The following DCLK1 variants were observed in gnomAD, a reference collection of about 807,000 sequenced individuals.
DCLK1 encodes the protein serine/threonine-protein kinase DCLK1.
Under a neutral mutation model 86.2 loss-of-function variants are expected in DCLK1, and 16 were observed. That is an observed-to-expected ratio of 0.19 (90% confidence interval 0.13 to 0.28). DCLK1 has a LOEUF of 0.28. Ranked by LOEUF, DCLK1 falls within the 10% of genes least tolerant of loss-of-function variation. The pLI is 1.00. For missense variants in DCLK1, 590 were observed against 940.2 expected, an observed-to-expected ratio of 0.63 and a Z score of 4.87; for synonymous variants, 369 against 370.5, an observed-to-expected ratio of 1.00 and a Z score of 0.05.
At chr13:36,095,499 C>T (rs1262086171) in intron 3 of DCLK1, among the ~76,000 whole-genome samples, 4 of 152,092 alleles carry the variant, frequency 2.6e-5, no homozygotes, top group African/African-American at 7.2e-5. Flanking sequence ...AGCCACTGTG[C>T]CCGGCTCTCT....
At chr13:36,025,821 TA>T (rs533304094) in intron 3 of DCLK1, among the ~76,000 whole-genome samples, 71 of 151,942 alleles carry the variant, frequency 4.7e-4, no homozygotes, top group Non-Finnish European at 8.2e-4. Flanking sequence ...AATTAAAATA[TA>T]AAAAAAAATT....
chr13:35,778,589 G>A (rs2086467794), intron 16 of DCLK1, among the ~76,000 whole-genome samples: 1 of 152,070 alleles, frequency 6.6e-6, no homozygotes, highest in Admixed American at 6.6e-5. Flanking sequence ...ATGGGCACCC[G>A]ACCCCATCAA....
At chr13:36,061,210 G>A (rs1039157675) in intron 3 of DCLK1, among the ~76,000 whole-genome samples, 6 of 152,268 alleles carry the variant, frequency 3.9e-5, no homozygotes, top group Admixed American at 3.3e-4. Context: ...AACAGGGAAT[G>A]AAGTAACCCC....
chr13:35,946,979 A>T (rs1390310255), intron 4 of DCLK1, among the ~76,000 whole-genome samples: 1 of 152,202 alleles, frequency 6.6e-6, no homozygotes, highest in Non-Finnish European at 1.5e-5. Context: ...AAAGGAAGCC[A>T]CCTGAAAGCT....
chr13:35,936,962 C>CTTTTTTTTTTTTTTTTTTTTTTTTTTTTT (rs140269668), intron 4 of DCLK1, among the ~76,000 whole-genome samples: 11 of 65,736 alleles, frequency 1.7e-4, no homozygotes, highest in Admixed American at 2.0e-4. Context: ...GAAAAGTTAG[C>CTTTTTTTTTTTTTTTTTTTTTTTTTTTTT]TTTTTTTTTT....
chr13:35,820,483 T>G (rs2087369966), intron 11 of DCLK1, among the ~76,000 whole-genome samples: 1 of 152,156 alleles, frequency 6.6e-6, no homozygotes, highest in African/African-American at 2.4e-5. Context: ...AAACTGTAAT[T>G]TTAGTAAAAG....
At chr13:36,022,600 T>C (rs1188777560) in intron 3 of DCLK1, among the ~76,000 whole-genome samples, 1 of 152,096 alleles carries the variant, frequency 6.6e-6, no homozygotes, top group Non-Finnish European at 1.5e-5. Context: ...CTTTTGACCT[T>C]GCAGAAATAT....
intron 4 of DCLK1, among the ~76,000 whole-genome samples, chr13:35,912,764 G>A (rs1296549286): frequency 6.6e-6 from 1 of 152,190 alleles, no homozygotes; most frequent in African/African-American, 2.4e-5. Context: ...GTGGCCCTTT[G>A]CCCTCACTGG....
rs372513090 is a variant in DCLK1 at position 36,001,534 on chromosome 13, G to A, written c.724-54077C>T. The stretch of plus-strand genomic sequence containing the variant: ...CCCTTCTTCCTGACCTTCCAAGGAT[G>A]CTAGGACTCCTTTAGCATGGAACTC... On this transcript the variant is annotated intron_variant, in intron 3 of 16. Coordinates refer to ENST00000360631, the MANE Select transcript of DCLK1 (RefSeq NM_001330071.2). Among the ~76,000 whole-genome samples the A allele has an allele frequency of 3.5e-4, 54 of 152,196 alleles. 1 individual carries two copies. The South Asian group carries it at 0.011, about 32-fold the overall frequency.
chr13:36,015,119 C>G (rs1881490457), intron 3 of DCLK1, among the ~76,000 whole-genome samples: 1 of 152,192 alleles, frequency 6.6e-6, no homozygotes, highest in South Asian at 2.1e-4. Context: ...CAATATATTT[C>G]CAGCCCTTGG....
chr13:35,780,284 C>A (rs2086503438), intron 16 of DCLK1, among the ~76,000 whole-genome samples: 1 of 152,108 alleles, frequency 6.6e-6, no homozygotes, highest in African/African-American at 2.4e-5. Context: ...GAGTTCCTAA[C>A]AGATTTATTA....
chr13:36,072,687 C>T (rs1165198764), intron 3 of DCLK1, among the ~76,000 whole-genome samples: 1 of 152,162 alleles, frequency 6.6e-6, no homozygotes, highest in African/African-American at 2.4e-5. Context: ...AGCTGTTGGA[C>T]TGAATAGATA....
intron 4 of DCLK1, among the ~76,000 whole-genome samples, chr13:35,924,896 AC>A (rs1447644211): frequency 6.6e-6 from 1 of 152,184 alleles, no homozygotes; most frequent in African/African-American, 2.4e-5. Context: ...GTACATGTTT[AC>A]CTATCATCTA....
chr13:35,843,371 C>G (rs2153108627), intron 6 of DCLK1, among the ~76,000 whole-genome samples: 1 of 152,240 alleles, frequency 6.6e-6, no homozygotes, highest in Non-Finnish European at 1.5e-5. Flanking sequence ...TATGGCACAC[C>G]TTCATAAAAG....
intron 3 of DCLK1, among the ~76,000 whole-genome samples, chr13:36,104,088 C>G (rs547559820): frequency 2.6e-5 from 4 of 152,322 alleles, no homozygotes; most frequent in African/African-American, 9.6e-5. Flanking sequence ...CTAGAAACAA[C>G]CATCATGGTG....
chr13:35,926,684 T>C (rs1241057643), intron 4 of DCLK1, among the ~76,000 whole-genome samples: 1 of 152,250 alleles, frequency 6.6e-6, no homozygotes, highest in Non-Finnish European at 1.5e-5. Flanking sequence ...CAAGTAGTAA[T>C]ATTTGTCCAT....
At chr13:35,839,242 GC>G in intron 6 of DCLK1, 66 bp from the exon 7 acceptor site, 4 of 1,384,446 alleles carry the variant, frequency 2.9e-6, no homozygotes, top group Non-Finnish European at 3.0e-6. Flanking sequence ...CAGGGACCAT[GC>G]CCAGCCCGGA....
intron 16 of DCLK1, among the ~76,000 whole-genome samples, chr13:35,782,167 A>G (rs2086538235): frequency 6.6e-6 from 1 of 152,154 alleles, no homozygotes; most frequent in Admixed American, 6.5e-5. Context: ...ATGCTTCTGC[A>G]CTACTAATCT....
rs538603179 is a variant in DCLK1, at chr13:35,773,013, C to T, written c.*1522G>A. ...ATGAGATATCCCTCTCTGGTTGTCT[C>T]GTGGATCCCAGAGCCCAGCAAACCT... On this transcript the variant is annotated 3_prime_UTR_variant, in exon 17 of 17. Coordinates refer to ENST00000360631, the MANE Select transcript of DCLK1 (RefSeq NM_001330071.2). 1 of 152,296 alleles carries T rather than the reference C, an allele frequency of 6.6e-6. No homozygotes were observed. The highest frequency in any genetic ancestry group is 2.4e-5 in the African/African-American group (1 of 41,564). 9.4% of individuals were successfully genotyped at this position (152,296 alleles called of 1,614,324 possible).
Sources: allele counts gnomAD v4.1 joint callset (sites outside exome capture counted in the v4.1 genomes callset), GRCh38; gene constraint gnomAD v4.1.1; transcripts MANE v1.5; gene names NCBI Gene and HGNC (gene_info 2026-07-23, HGNC 2026-07-21).